The following VPS13C variants were observed in gnomAD, a reference collection of about 807,000 sequenced individuals.
The protein encoded by VPS13C is intermembrane lipid transfer protein VPS13C.
VPS13C carries 358 observed loss-of-function variants against 456.8 expected under a neutral mutation model. The observed-to-expected ratio is 0.78, with a 90% confidence interval of 0.72 to 0.86. The LOEUF (loss-of-function observed/expected upper bound fraction) is 0.86. Ranked by LOEUF, VPS13C falls within the 40% of genes least tolerant of loss-of-function variation. The pLI is 0.00. For missense variants in VPS13C, 4,818 were observed against 4,385.4 expected, an observed-to-expected ratio of 1.10 and a Z score of -2.79; for synonymous variants, 1,578 against 1,486.7, an observed-to-expected ratio of 1.06 and a Z score of -1.41.
At chr15:62,018,536 T>C (rs376690589) in intron 9 of VPS13C, among the ~76,000 whole-genome samples, 8,888 of 151,860 alleles carry the variant, frequency 0.059, 317 homozygotes, top group Non-Finnish European at 0.08. Flanking sequence ...CTGCATCTAT[T>C]GAGATAATCA....
intron 35 of VPS13C, among the ~76,000 whole-genome samples, chr15:61,960,803 C>A (rs1177648333): frequency 2.0e-5 from 3 of 152,128 alleles, no homozygotes; most frequent in Non-Finnish European, 4.4e-5. Context: ...TGGCCTGGTG[C>A]GATGGCTCAT....
chr15:62,023,141 C>T (rs554682496), intron 8 of VPS13C, among the ~76,000 whole-genome samples: 76 of 151,670 alleles, frequency 5.0e-4, no homozygotes, highest in African/African-American at 1.5e-3. Context: ...TGTCTTAACA[C>T]GTAAAATAAA....
At chr15:62,058,034 G>A (rs767011711) in intron 1 of VPS13C, among the ~76,000 whole-genome samples, 24 of 152,138 alleles carry the variant, frequency 1.6e-4, no homozygotes, top group Non-Finnish European at 2.6e-4. Flanking sequence ...ATTGAAATAT[G>A]AGTAATTACA....
chr15:61,915,894 G>A lies in VPS13C; in HGVS notation c.8184C>T (p.Arg2728=). Residue 2728 remains arginine (R), a synonymous_variant, in exon 61 of 85, where the codon CGC becomes CGT. Transcript: ENST00000644861. ...AGAATTCTGGTAGTGTATCACGTAT[G>A]CGGAAATGTCCATTCCAGTTTTTGC... ...YQGKNWNGHF[R]IRDTLPEFFP... 6.2e-7 allele frequency: 1 copy of A among 1,613,944 alleles called. No individual in the cohort carries two copies.
Position 61,951,926 on chromosome 15 carries a change from G to A in VPS13C, c.4354C>T (p.Leu1452=), listed in dbSNP as rs200533754. 6 of 1,613,630 alleles carry A rather than the reference G, an allele frequency of 3.7e-6. No individual in the cohort carries two copies. The Admixed American group carries it at 8.3e-5, about 22-fold the overall frequency. ...TCCATTCCAAGTTGCAGGACATTTA[G>A]CTCATGTAAAGGCCTTCCTTTCTTT... is the stretch of plus-strand genomic sequence containing the variant. The part of the protein sequence containing the change: ...SEKKGRPLHE[L]NVLQLGMEAK... The change falls in exon 39 of 85, where the codon CTA becomes TTA. Residue 1452 remains leucine (L), a synonymous_variant. Transcript: ENST00000644861.
Position 61,920,498 on chromosome 15 carries a change from T to A in VPS13C, c.7212A>T (p.Lys2404Asn). 6.6e-7 allele frequency: 1 copy of A among 1,525,340 alleles called. No homozygotes were observed. The highest frequency in any genetic ancestry group is 8.8e-7 in the Non-Finnish European group (1 of 1,137,068). 94.5% of individuals were successfully genotyped at this position (1,525,340 alleles called of 1,614,324 possible). Residue 2404 changes from lysine to asparagine, a missense_variant and splice_region_variant, in exon 56 of 85, where the codon AAA becomes AAT. Around this residue, in one of 3 missense-constraint regions of VPS13C, gnomAD observed 4,552 missense variants for 4,130.6 expected, o/e 1.10. Coordinates refer to ENST00000644861, the MANE Select transcript of VPS13C (RefSeq NM_020821.3). ...TATTCTAAGCAAGATTCAGACATACTTTTGCTAAATTGTTGAAAACATTAA... is the reference window on the plus strand; with the variant it reads ...TATTCTAAGCAAGATTCAGACATACATTTGCTAAATTGTTGAAAACATTAA... The part of the protein sequence containing the change: ...SCLNVFNNLA[K>N]GFSEGTASTF...
At chr15:62,014,678 T>C (rs1043336040) in intron 9 of VPS13C, among the ~76,000 whole-genome samples, 2 of 152,152 alleles carry the variant, frequency 1.3e-5, no homozygotes, top group East Asian at 3.8e-4. Flanking sequence ...AGCCAGACAA[T>C]GTGCCAAAAG....
chr15:61,878,669 A>G lies in VPS13C; in HGVS notation c.10080T>C (p.Ser3360=). 1 of 1,611,896 alleles carries G rather than the reference A, an allele frequency of 6.2e-7. No homozygotes were observed. The highest frequency in any genetic ancestry group is 8.5e-7 in the Non-Finnish European group (1 of 1,178,898). ...CTATGCTTTTCAACAGCAAGTTGAC[A>G]GAATGAACTGCAAACATTTCCTGTT... is the stretch of plus-strand genomic sequence containing the variant. ...KEKQEMFAVH[S]VNLLLKSIGA... The change falls in exon 74 of 85, where the codon TCT becomes TCC. Residue 3360 remains serine, a synonymous_variant. Transcript: ENST00000644861.
At chr15:61,970,816 C>A (rs1405761618) in intron 27 of VPS13C, among the ~76,000 whole-genome samples, 4 of 141,446 alleles carry the variant, frequency 2.8e-5, no homozygotes, top group Admixed American at 7.5e-5. Context: ...GTGGTCAGAT[C>A]TTTCCAATAA....
intron 81 of VPS13C, chr15:61,866,780 T>C: frequency 2.0e-6 from 2 of 983,062 alleles, no homozygotes; most frequent in Non-Finnish European, 1.2e-6. Context: ...TTTAAAGTGG[T>C]TAAACATAAA....
chr15:61,892,974 C>G (rs1168943732), intron 66 of VPS13C, among the ~76,000 whole-genome samples: 2 of 152,078 alleles, frequency 1.3e-5, no homozygotes, highest in African/African-American at 4.8e-5. Flanking sequence ...CAAAGAATGC[C>G]TGCAAAATAT....
At chr15:62,021,928 A>G (rs140094240) in intron 8 of VPS13C, among the ~76,000 whole-genome samples, 1 of 151,972 alleles carries the variant, frequency 6.6e-6, no homozygotes, top group East Asian at 1.9e-4. Context: ...ATGATAAATT[A>G]TTATATTTTC....
chr15:62,003,526 A>T (rs1012346660), intron 15 of VPS13C, among the ~76,000 whole-genome samples: 2 of 151,950 alleles, frequency 1.3e-5, no homozygotes, highest in Non-Finnish European at 2.9e-5. Context: ...TCTCCTGCCT[A>T]ATTGCCCTGG....
chr15:62,055,572 T>C (rs980265178), intron 1 of VPS13C, among the ~76,000 whole-genome samples: 1 of 151,954 alleles, frequency 6.6e-6, no homozygotes, highest in Admixed American at 6.6e-5. Flanking sequence ...AATTTCATTA[T>C]GAACGCCTAT....
chr15:61,958,234 T>G (rs2045074465), intron 37 of VPS13C, among the ~76,000 whole-genome samples: 1 of 152,058 alleles, frequency 6.6e-6, no homozygotes, highest in South Asian at 2.1e-4. Context: ...TACAGATGTT[T>G]TACTACCAAG....
At chr15:61,888,486 T>C (rs1268201223) in intron 67 of VPS13C, among the ~76,000 whole-genome samples, 1 of 152,198 alleles carries the variant, frequency 6.6e-6, no homozygotes, top group East Asian at 1.9e-4. Context: ...ACTGGAGTAA[T>C]AGTCCATTCA....
At chr15:61,878,326 A>C (rs1566963817) in intron 74 of VPS13C, among the ~76,000 whole-genome samples, 1 of 151,924 alleles carries the variant, frequency 6.6e-6, no homozygotes, top group African/African-American at 2.4e-5. Flanking sequence ...AAATATGGTT[A>C]ATTTATAATA....
chr15:62,005,442 G>C (rs1275096390), intron 15 of VPS13C, among the ~76,000 whole-genome samples: 1 of 152,102 alleles, frequency 6.6e-6, no homozygotes, highest in African/African-American at 2.4e-5. Context: ...CCTGAATACA[G>C]CACACTGATG....
At chr15:62,009,616 T>A (rs1028446530) in intron 13 of VPS13C, among the ~76,000 whole-genome samples, 2 of 152,226 alleles carry the variant, frequency 1.3e-5, no homozygotes, top group African/African-American at 4.8e-5. Flanking sequence ...TTTTTCTTTT[T>A]ACATTGTTAA....
Sources: allele counts gnomAD v4.1 joint callset (sites outside exome capture counted in the v4.1 genomes callset), GRCh38; gene constraint gnomAD v4.1.1; regional missense constraint gnomAD v4.1.1; transcripts MANE v1.5; gene names NCBI Gene and HGNC (gene_info 2026-07-23, HGNC 2026-07-21).